Variants in ANKS1B observed in about 807,000 individuals in gnomAD.
ANKS1B encodes ankyrin repeat and sterile alpha motif domain containing 1B.
A neutral mutation model predicts 148.3 loss-of-function variants in ANKS1B; 36 were observed. The observed-to-expected ratio is 0.24, with a 90% CI of 0.19 to 0.32. The LOEUF (loss-of-function observed/expected upper bound fraction) is 0.32. Among genes scored for constraint, ANKS1B ranks in the 10% least tolerant of loss-of-function variants. ANKS1B has a pLI of 1.00. For synonymous variants in ANKS1B, 542 were observed against 560.8 expected (o/e 0.97, Z 0.47); for missense variants, 1,157 against 1,542.6 (o/e 0.75, Z 4.19).
rs145193252 is a variant in ANKS1B, at chr12:98,927,358, C to T, written c.2779-95222G>A. 3.0e-3 allele frequency among the ~76,000 whole-genome samples: 455 copies of T among 151,980 alleles called. 4 individuals are homozygous for T. The highest frequency in any genetic ancestry group is 9.7e-3 in the African/African-American group (402 of 41,438). ...CAGCAGATAGTAAGGGGAAACCTTC[C>T]GGGGGAAATGAAAGGATGCTGGACA... On this transcript the variant is annotated intron_variant, in intron 17 of 26. Transcript: ENST00000683438.
chr12:98,917,135 A>G (rs1490856148), intron 17 of ANKS1B, among the ~76,000 whole-genome samples: 1 of 151,840 alleles, frequency 6.6e-6, no homozygotes, highest in South Asian at 2.1e-4. Flanking sequence ...TAATTTTTAA[A>G]TTTTTCGTAG....
At chr12:99,107,603 T>A (rs1021316281) in intron 15 of ANKS1B, among the ~76,000 whole-genome samples, 5 of 152,188 alleles carry the variant, frequency 3.3e-5, no homozygotes. Flanking sequence ...CTCAGAGGAT[T>A]CAGTGGAAAC....
At chr12:98,989,284 T>C (rs1289317220) in intron 17 of ANKS1B, among the ~76,000 whole-genome samples, 1 of 152,214 alleles carries the variant, frequency 6.6e-6, no homozygotes, top group East Asian at 1.9e-4. Context: ...TTGATTTTTA[T>C]ATATGGTAGG....
intron 9 of ANKS1B, among the ~76,000 whole-genome samples, chr12:99,537,565 G>C (rs1421021963): frequency 6.6e-6 from 1 of 152,074 alleles, no homozygotes; most frequent in Non-Finnish European, 1.5e-5. Context: ...ATGTCTTCTT[G>C]TGAGAAATGT....
chr12:99,245,638 A>G (rs2090115490), intron 13 of ANKS1B, among the ~76,000 whole-genome samples: 1 of 152,256 alleles, frequency 6.6e-6, no homozygotes, highest in African/African-American at 2.4e-5. Flanking sequence ...CAACTGGTAC[A>G]GTCTTTTCAG....
At chr12:99,446,670 TGAA>T (rs1281692196) in intron 10 of ANKS1B, among the ~76,000 whole-genome samples, 1 of 152,052 alleles carries the variant, frequency 6.6e-6, no homozygotes, top group Non-Finnish European at 1.5e-5. Flanking sequence ...AAACATAGCC[TGAA>T]GAAGATCGGC....
chr12:99,597,886 C>T (rs1237077369), intron 9 of ANKS1B, among the ~76,000 whole-genome samples: 1 of 151,936 alleles, frequency 6.6e-6, no homozygotes, highest in Non-Finnish European at 1.5e-5. Context: ...GATTGCAAAG[C>T]CATGTAAATG....
chr12:99,462,444 GCC>G, intron 10 of ANKS1B, among the ~76,000 whole-genome samples: 1 of 152,306 alleles, frequency 6.6e-6, no homozygotes, highest in Admixed American at 6.5e-5. Flanking sequence ...CTCTCCAGCT[GCC>G]ATTTCTGGCT....
intron 8 of ANKS1B, among the ~76,000 whole-genome samples, chr12:99,659,066 A>G (rs1337795398): frequency 6.6e-6 from 1 of 152,194 alleles, no homozygotes; most frequent in East Asian, 1.9e-4. Context: ...ATTGTATCAC[A>G]AATATCAAGA....
intron 14 of ANKS1B, among the ~76,000 whole-genome samples, chr12:99,174,042 A>C (rs1026092402): frequency 5.9e-5 from 9 of 152,196 alleles, no homozygotes; most frequent in South Asian, 2.1e-4. Flanking sequence ...TTATTAGATT[A>C]CAAAGTTCTG....
chr12:99,683,432 G>A (rs2098632499), intron 8 of ANKS1B, among the ~76,000 whole-genome samples: 1 of 151,804 alleles, frequency 6.6e-6, no homozygotes, highest in African/African-American at 2.4e-5. Context: ...AAACCAGGAA[G>A]CAATAGAAAC....
chr12:99,909,769 T>A (rs2153785337), intron 1 of ANKS1B, among the ~76,000 whole-genome samples: 1 of 152,310 alleles, frequency 6.6e-6, no homozygotes, highest in Non-Finnish European at 1.5e-5. Context: ...AATATTACCT[T>A]TGCCTCTTCT....
chr12:99,065,822 G>A (rs2044095775), intron 16 of ANKS1B, among the ~76,000 whole-genome samples: 1 of 152,192 alleles, frequency 6.6e-6, no homozygotes, highest in African/African-American at 2.4e-5. Flanking sequence ...CCTTCTAAGT[G>A]GGGAAGACAG....
intron 8 of ANKS1B, among the ~76,000 whole-genome samples, chr12:99,761,880 T>C (rs1383386796): frequency 6.6e-6 from 1 of 152,038 alleles, no homozygotes; most frequent in Non-Finnish European, 1.5e-5. Flanking sequence ...TGAAGATCAT[T>C]ATAATTTCTA....
Position 99,891,554 on chromosome 12 carries a change from CTATT to C in ANKS1B, c.135-66169_135-66166del, listed in dbSNP as rs376764087. Among the ~76,000 whole-genome samples the C allele has an allele frequency of 6.5e-3, 994 of 152,178 alleles. 8 individuals carry two copies. The highest frequency in any genetic ancestry group is 0.015 in the South Asian group (70 of 4,818). On this transcript the variant is annotated intron_variant, in intron 1 of 26. Coordinates refer to ENST00000683438, the MANE Select transcript of ANKS1B (RefSeq NM_001352186.2). Reference sequence around the variant, plus strand: ...ATTTTAATTTGCATTTGTCTAATGACTATTTATGTTGAGCATATTTTCATGTGTT... The same window carrying C: ...ATTTTAATTTGCATTTGTCTAATGACTATGTTGAGCATATTTTCATGTGTT...
At chr12:99,470,159 G>T (rs932395360) in intron 10 of ANKS1B, among the ~76,000 whole-genome samples, 3 of 151,354 alleles carry the variant, frequency 2.0e-5, no homozygotes, top group African/African-American at 7.3e-5. Context: ...ATGAAAAAAA[G>T]AAATATTAAT....
At chr12:98,969,407 TC>T (rs1380175790) in intron 17 of ANKS1B, among the ~76,000 whole-genome samples, 2 of 152,290 alleles carry the variant, frequency 1.3e-5, no homozygotes, top group Admixed American at 1.3e-4. Flanking sequence ...AGTTTAGTGA[TC>T]AAATGTGGGC....
At chr12:99,402,694 C>A (rs2094436826) in intron 11 of ANKS1B, among the ~76,000 whole-genome samples, 1 of 146,026 alleles carries the variant, frequency 6.8e-6, no homozygotes, top group African/African-American at 2.6e-5. Context: ...TGTATATATA[C>A]CACATTTTCT....
intron 1 of ANKS1B, among the ~76,000 whole-genome samples, chr12:99,954,718 A>G (rs2095287206): frequency 6.6e-6 from 1 of 152,170 alleles, no homozygotes; most frequent in African/African-American, 2.4e-5. Flanking sequence ...ACACTTAGCA[A>G]TGTCTAGAGA....
Sources: allele counts gnomAD v4.1 joint callset (sites outside exome capture counted in the v4.1 genomes callset), GRCh38; gene constraint gnomAD v4.1.1; transcripts MANE v1.5; gene names NCBI Gene and HGNC (gene_info 2026-07-23, HGNC 2026-07-21).